Variants in CDIN1 observed in about 807,000 individuals in gnomAD.
CDIN1 encodes CDAN1-interacting nuclease 1.
In CDIN1, 33 loss-of-function variants were observed where a neutral mutation model predicts 45.3. The observed-to-expected ratio is 0.73, with a 90% confidence interval of 0.55 to 0.97. CDIN1 has a LOEUF of 0.97. Ranked by LOEUF, CDIN1 falls within the 50% of genes least tolerant of loss-of-function variation. CDIN1 has a pLI of 0.00. For missense variants in CDIN1, 303 were observed against 339.4 expected, an observed-to-expected ratio of 0.89 and a Z score of 0.84; for synonymous variants, 118 against 124.4, an observed-to-expected ratio of 0.95 and a Z score of 0.34.
At chr15:36,597,203 G>T (rs2140215299) in intron 1 of CDIN1, among the ~76,000 whole-genome samples, 1 of 152,254 alleles carries the variant, frequency 6.6e-6, no homozygotes, top group African/African-American at 2.4e-5. Context: ...GGTTCATAAT[G>T]GTTGGCTTGT....
chr15:36,604,458 T>C (rs1026730442), intron 1 of CDIN1, among the ~76,000 whole-genome samples: 26 of 30,492 alleles, frequency 8.5e-4, no homozygotes, highest in South Asian at 1.6e-3. Context: ...CACACACACA[T>C]TTTAGAGTAA....
At chr15:36,590,760 A>C (rs1028488164) in intron 1 of CDIN1, among the ~76,000 whole-genome samples, 2 of 152,242 alleles carry the variant, frequency 1.3e-5, no homozygotes, top group Non-Finnish European at 2.9e-5. Context: ...TAGGAGGCAT[A>C]GCAGACCATT....
At chr15:36,608,048 A>G (rs1356949501) in intron 1 of CDIN1, among the ~76,000 whole-genome samples, 5 of 152,340 alleles carry the variant, frequency 3.3e-5, no homozygotes, top group Admixed American at 6.5e-5. Flanking sequence ...AATCCATTGT[A>G]GGAATATACT....
chr15:36,710,024 AAT>A (rs1278678473), intron 10 of CDIN1, 63 bp downstream of exon 10: 1 of 1,267,462 alleles, frequency 7.9e-7, no homozygotes, highest in East Asian at 2.4e-5. Context: ...ATTAGAAAAA[AAT>A]ATTTTGTTTA....
intron 1 of CDIN1, chr15:36,626,805 T>G: frequency 3.6e-6 from 1 of 276,380 alleles, no homozygotes; most frequent in African/African-American, 2.3e-5. Context: ...GTTGCTATAG[T>G]GGAAGTGGGG....
chr15:36,655,588 G>A (rs1038091846), intron 4 of CDIN1, among the ~76,000 whole-genome samples: 2 of 152,186 alleles, frequency 1.3e-5, no homozygotes, highest in East Asian at 3.9e-4. Context: ...GCCTCCCAAA[G>A]TGCTTGGATT....
intron 10 of CDIN1, among the ~76,000 whole-genome samples, chr15:36,757,961 GTTCT>G (rs2053653448): frequency 6.6e-6 from 1 of 151,926 alleles, no homozygotes; most frequent in Admixed American, 6.6e-5. Context: ...TGTCATAATG[GTTCT>G]TTTTTTATTG....
intron 1 of CDIN1, among the ~76,000 whole-genome samples, chr15:36,597,169 GCCCTATTCGGTGATTCACTGA>G (rs1007186249): frequency 1.3e-5 from 2 of 152,096 alleles, no homozygotes; most frequent in African/African-American, 4.8e-5. Flanking sequence ...CCCTTTAAGT[GCCCTATTCGGTGATTCACTGA>G]AAGGTTCATA....
In CDIN1 at chr15:36,778,746, C is replaced by T. The variant is rs1052005852; in HGVS notation, c.717-29578C>T. 3.7e-4 allele frequency among the ~76,000 whole-genome samples: 56 copies of T among 152,144 alleles called. 1 individual carries two copies. The highest frequency in any genetic ancestry group is 1.5e-5 in the Non-Finnish European group (1 of 68,024). ...GTAAATGGTGTACACTGTCGTCTGTCCTCCAGTTGATTTACTGCATATGGA... is the reference window on the plus strand; with the variant it reads ...GTAAATGGTGTACACTGTCGTCTGTTCTCCAGTTGATTTACTGCATATGGA... On this transcript the variant is annotated intron_variant, in intron 10 of 10. Transcript: ENST00000566621.
chr15:36,607,794 A>G (rs2038450014), intron 1 of CDIN1, among the ~76,000 whole-genome samples: 2 of 152,264 alleles, frequency 1.3e-5, no homozygotes, highest in South Asian at 4.1e-4. Context: ...GGCATCCATC[A>G]CCATTATCTA....
intron 10 of CDIN1, among the ~76,000 whole-genome samples, chr15:36,715,172 G>A (rs544060172): frequency 6.6e-6 from 1 of 152,158 alleles, no homozygotes; most frequent in South Asian, 2.1e-4. Flanking sequence ...TATGTACCAC[G>A]GAAACGATTA....
At chr15:36,763,516 C>T (rs900436610) in intron 10 of CDIN1, among the ~76,000 whole-genome samples, 2 of 152,132 alleles carry the variant, frequency 1.3e-5, no homozygotes, top group Non-Finnish European at 2.9e-5. Flanking sequence ...AATCCAGTTT[C>T]TCTAGGAACC....
At chr15:36,733,788 T>C (rs2140918037) in intron 10 of CDIN1, among the ~76,000 whole-genome samples, 1 of 152,302 alleles carries the variant, frequency 6.6e-6, no homozygotes, top group Admixed American at 6.5e-5. Context: ...TTTTCGCATA[T>C]GATCTTTCAA....
intron 5 of CDIN1, among the ~76,000 whole-genome samples, chr15:36,682,599 C>CAAA (rs35789630): frequency 1.7e-5 from 2 of 116,912 alleles, no homozygotes; most frequent in Non-Finnish European, 3.6e-5. Context: ...CCTGTCTCTA[C>CAAA]AAAAAAAAAA....
At chr15:36,639,419 A>G (rs1435150854) in intron 1 of CDIN1, among the ~76,000 whole-genome samples, 1 of 152,238 alleles carries the variant, frequency 6.6e-6, no homozygotes, top group Non-Finnish European at 1.5e-5. Flanking sequence ...AGCCTGGCCA[A>G]CATGGTGAAA....
At chr15:36,650,253 A>G (rs1275031868) in intron 3 of CDIN1, among the ~76,000 whole-genome samples, 2 of 152,190 alleles carry the variant, frequency 1.3e-5, no homozygotes, top group Non-Finnish European at 2.9e-5. Context: ...AAATTTCACC[A>G]AGAATCTTTC....
chr15:36,806,980 G>C (rs1029106172), intron 10 of CDIN1, among the ~76,000 whole-genome samples: 2 of 152,074 alleles, frequency 1.3e-5, no homozygotes, highest in African/African-American at 4.8e-5. Context: ...CAGTGGGCCT[G>C]GTGCTCCAAG....
At chr15:36,734,353 A>G in intron 10 of CDIN1, 1 of 431,088 alleles carries the variant, frequency 2.3e-6, no homozygotes, top group Non-Finnish European at 4.6e-6. Flanking sequence ...GGGTATAAGA[A>G]TTCCAGAGGT....
chr15:36,759,149 G>C (rs1489392046), intron 10 of CDIN1, among the ~76,000 whole-genome samples: 1 of 152,038 alleles, frequency 6.6e-6, no homozygotes, highest in Non-Finnish European at 1.5e-5. Context: ...TACATCGAGG[G>C]GTGCAGGACC....
Sources: allele counts gnomAD v4.1 joint callset (sites outside exome capture counted in the v4.1 genomes callset), GRCh38; gene constraint gnomAD v4.1.1; transcripts MANE v1.5; gene names NCBI Gene and HGNC (gene_info 2026-07-23, HGNC 2026-07-21).